KIRREL3: variants seen among roughly 807,000 people sequenced by gnomAD.
KIRREL3 encodes the protein kin of IRRE-like protein 3.
In KIRREL3, 36 loss-of-function variants were observed where a neutral mutation model predicts 89.7. That is an observed-to-expected ratio of 0.40 (90% CI 0.31 to 0.53). KIRREL3 has a LOEUF of 0.53. KIRREL3 is among the 20% of genes least tolerant of loss of function. The pLI, the probability that KIRREL3 is intolerant of heterozygous loss-of-function variation, is 0.49. For synonymous variants in KIRREL3, 445 were observed against 441.4 expected (o/e 1.01, Z -0.10); for missense variants, 864 against 1,056.6 (o/e 0.82, Z 2.53).
rs1333629504 is a variant in KIRREL3, at chr11:126,977,301, C to T, written c.55+23154G>A. Among the ~76,000 whole-genome samples the T allele has an allele frequency of 1.3e-5, 2 of 152,118 alleles. No individual in the cohort carries two copies. Among genetic ancestry groups the T allele is most frequent in the African/African-American group, 4.8e-5 (2 of 41,422 alleles). On this transcript the variant is annotated intron_variant, in intron 1 of 16. Transcript: ENST00000525144. This position sits in a 1 kb window ranked among gnomAD's most constrained non-coding sequence, Gnocchi z 4.7. The stretch of plus-strand genomic sequence containing the variant: ...GGTTGGTTTCTTCGGATGCTGCCGC[C>T]CTTTCCTTCTTCATCAGGATCATTC...
At chr11:126,925,763 T>G (rs1947688192) in intron 1 of KIRREL3, among the ~76,000 whole-genome samples, 2 of 152,342 alleles carry the variant, frequency 1.3e-5, no homozygotes, top group Admixed American at 1.3e-4. Flanking sequence ...TGGCCACAGG[T>G]GCCAGGCAGC....
At chr11:126,835,347 C>A (rs186108372) in intron 1 of KIRREL3, among the ~76,000 whole-genome samples, 2 of 152,298 alleles carry the variant, frequency 1.3e-5, no homozygotes, top group African/African-American at 4.8e-5. Flanking sequence ...GAAACTTTAA[C>A]AATGAGTGAT....
chr11:126,657,601 T>TG (rs904931247), intron 1 of KIRREL3, among the ~76,000 whole-genome samples: 1 of 151,942 alleles, frequency 6.6e-6, no homozygotes, highest in Admixed American at 6.6e-5. Context: ...GGCCTGTAGA[T>TG]GGGTTGGGGG....
intron 1 of KIRREL3, among the ~76,000 whole-genome samples, chr11:126,658,155 TTGGAATA>T (rs2135001022): frequency 6.6e-6 from 1 of 152,340 alleles, no homozygotes; most frequent in South Asian, 2.1e-4. Flanking sequence ...GTGGTAATGC[TTGGAATA>T]ACAAGTAGTT....
In KIRREL3 at chr11:126,719,636, C is replaced by T. The variant is rs7112543; in HGVS notation, c.56-156724G>A. ...TCCCGCTAGATCCTGTCAAAATCAT[C>T]CCTATCTCAGCCAATGGCAACTTAT... On this transcript the variant is annotated intron_variant, in intron 1 of 16. Transcript: ENST00000525144. The surrounding 1 kb of genome is among the most constrained non-coding windows in gnomAD (Gnocchi z 4.7). Among the ~76,000 whole-genome samples the T allele has an allele frequency of 0.028, 4,306 of 152,290 alleles. 205 individuals carry two copies. Among genetic ancestry groups the T allele is most frequent in the African/African-American group, 0.098 (4,055 of 41,556 alleles).
intron 1 of KIRREL3, among the ~76,000 whole-genome samples, chr11:126,810,497 C>T (rs1007128162): frequency 2.6e-5 from 4 of 152,158 alleles, no homozygotes; most frequent in Non-Finnish European, 5.9e-5. Context: ...TCTCGGATTT[C>T]CACATGTTTC....
chr11:126,881,313 C>G (rs10790851), intron 1 of KIRREL3, among the ~76,000 whole-genome samples: 1 of 151,982 alleles, frequency 6.6e-6, no homozygotes, highest in African/African-American at 2.4e-5. Context: ...CCTCTCCCCA[C>G]GTTCCTTCAG....
At position 126,948,120 on chromosome 11, in the gene KIRREL3, T is replaced by A. The variant is rs931392359; in HGVS notation, c.55+52335A>T. On this transcript the variant is annotated intron_variant, in intron 1 of 16. Transcript: ENST00000525144. This position sits in a 1 kb window ranked among gnomAD's most constrained non-coding sequence, Gnocchi z 4.5. ...ATGTTAAACTACCGTGTAATTGATT[T>A]TCTATCCATTGCCTAGTGGTTAACC... 2.6e-5 allele frequency among the ~76,000 whole-genome samples: 4 copies of A among 152,220 alleles called. No homozygotes were observed. Among genetic ancestry groups the A allele is most frequent in the Admixed American group, 2.6e-4 (4 of 15,280 alleles).
chr11:126,591,406 G>T (rs923700939), intron 1 of KIRREL3, among the ~76,000 whole-genome samples: 1 of 152,218 alleles, frequency 6.6e-6, no homozygotes, highest in Non-Finnish European at 1.5e-5. Context: ...TCTGGTGGGA[G>T]GTTTGTGCAA....
Position 126,683,616 on chromosome 11 carries a change from A to G in KIRREL3, c.56-120704T>C, listed in dbSNP as rs1370201970. 2.0e-5 allele frequency among the ~76,000 whole-genome samples: 3 copies of G among 152,234 alleles called. No homozygotes were observed. The highest frequency in any genetic ancestry group is 4.8e-5 in the African/African-American group (2 of 41,460). On this transcript the variant is annotated intron_variant, in intron 1 of 16. Transcript: ENST00000525144. The surrounding 1 kb of genome is among the most constrained non-coding windows in gnomAD (Gnocchi z 5.2). ...CCTGACAATACTAAGTGTTCAACCA[A>G]TGCTCATGATTGGCCAGGGCATTGA...
At chr11:126,644,082 CATAGGG>C (rs1257056099) in intron 1 of KIRREL3, among the ~76,000 whole-genome samples, 2 of 152,108 alleles carry the variant, frequency 1.3e-5, no homozygotes, top group African/African-American at 4.8e-5. Context: ...GCATCAGCCT[CATAGGG>C]TTAATGGCTG....
rs568522483 is a variant in KIRREL3 at position 126,835,265 on chromosome 11, T to G, written c.55+165190A>C. Among the ~76,000 whole-genome samples the G allele has an allele frequency of 1.4e-4, 21 of 152,350 alleles. No individual in the cohort carries two copies. The South Asian group carries it at 2.3e-3, about 17-fold the overall frequency. On this transcript the variant is annotated intron_variant, in intron 1 of 16. Coordinates refer to ENST00000525144, the MANE Select transcript of KIRREL3 (RefSeq NM_032531.4). The stretch of plus-strand genomic sequence containing the variant: ...CATGCCCAAGAAGGTATGTGGCACT[T>G]GCTCAGGTTTAAGAAGGTTCTTTGA...
rs1368423134 is a variant in KIRREL3 at position 126,696,383 on chromosome 11, C to A, written c.56-133471G>T. ...GTGGTTGATGGTGACATCATCCATC[C>A]AATTTCTTATCCTGTAACTTCCAAG... On this transcript the variant is annotated intron_variant, in intron 1 of 16. Transcript: ENST00000525144. This position sits in a 1 kb window ranked among gnomAD's most constrained non-coding sequence, Gnocchi z 4.4. Among the ~76,000 whole-genome samples, 2 of 152,048 alleles carry A rather than the reference C, an allele frequency of 1.3e-5. No homozygotes were observed. The highest frequency in any genetic ancestry group is 2.9e-5 in the Non-Finnish European group (2 of 68,022).
chr11:126,573,155 C>T (rs748731978), intron 1 of KIRREL3, among the ~76,000 whole-genome samples: 45 of 152,298 alleles, frequency 3.0e-4, no homozygotes, highest in Admixed American at 7.2e-4. Context: ...GGGGACAGCA[C>T]GTCCTTGCCC....
At position 126,655,506 on chromosome 11, in the gene KIRREL3, C is replaced by T. The variant is rs1056404820; in HGVS notation, c.56-92594G>A. 4.6e-5 allele frequency among the ~76,000 whole-genome samples: 7 copies of T among 152,186 alleles called. No individual in the cohort carries two copies. The highest frequency in any genetic ancestry group is 8.8e-5 in the Non-Finnish European group (6 of 68,040). The stretch of plus-strand genomic sequence containing the variant: ...TTAAAAATCACTTCACTTGTCAACT[C>T]GAAAGCTCTCCCTCCCACCTCAAGT... On this transcript the variant is annotated intron_variant, in intron 1 of 16. Coordinates refer to ENST00000525144, the MANE Select transcript of KIRREL3 (RefSeq NM_032531.4). The surrounding 1 kb of genome is among the most constrained non-coding windows in gnomAD (Gnocchi z 5.0).
chr11:126,921,866 C>CCTAT (rs147316924), intron 1 of KIRREL3, among the ~76,000 whole-genome samples: 15 of 148,514 alleles, frequency 1.0e-4, no homozygotes, highest in Admixed American at 1.3e-4. Flanking sequence ...TTTCTGTCAT[C>CCTAT]CTATCTATCT....
intron 6 of KIRREL3, among the ~76,000 whole-genome samples, chr11:126,460,469 T>C (rs1198124978): frequency 6.6e-6 from 1 of 152,130 alleles, no homozygotes; most frequent in Admixed American, 6.5e-5. Context: ...TGCCACTCAG[T>C]AAGTGGCAGA....
chr11:126,897,127 A>G lies in KIRREL3; in HGVS notation c.55+103328T>C, dbSNP rs1453280675. 1.3e-5 allele frequency among the ~76,000 whole-genome samples: 2 copies of G among 152,122 alleles called. No homozygotes were observed. The highest frequency in any genetic ancestry group is 2.9e-5 in the Non-Finnish European group (2 of 68,024). ...ACGAATACGGGCTACAAACAACTCCACAACTAAAGCAAACCCTTCTGGTCA... is the reference window on the plus strand; with the variant it reads ...ACGAATACGGGCTACAAACAACTCCGCAACTAAAGCAAACCCTTCTGGTCA... On this transcript the variant is annotated intron_variant, in intron 1 of 16. Transcript: ENST00000525144. The surrounding 1 kb of genome is among the most constrained non-coding windows in gnomAD (Gnocchi z 4.2).
chr11:126,667,124 A>C (rs990983647), intron 1 of KIRREL3, among the ~76,000 whole-genome samples: 1 of 152,250 alleles, frequency 6.6e-6, no homozygotes, highest in Non-Finnish European at 1.5e-5. Flanking sequence ...GATGGAGGAC[A>C]AAGCATCTCA....
Sources: allele counts gnomAD v4.1 joint callset (sites outside exome capture counted in the v4.1 genomes callset), GRCh38; gene constraint gnomAD v4.1.1; non-coding constraint Gnocchi (gnomAD v3.1); transcripts MANE v1.5; gene names NCBI Gene and HGNC (gene_info 2026-07-23, HGNC 2026-07-21).